Variants in PTBP3 observed in about 807,000 individuals in gnomAD.
The protein encoded by PTBP3 is polypyrimidine tract binding protein 3.
PTBP3 carries 20 observed loss-of-function variants against 58.7 expected under a neutral mutation model. The ratio of observed to expected loss-of-function variants is 0.34; its 90% CI spans 0.24 to 0.50. PTBP3 has a LOEUF of 0.50. Among genes scored for constraint, PTBP3 ranks in the 20% least tolerant of loss-of-function variants. The pLI is 0.98. For synonymous variants in PTBP3, 185 were observed against 219.8 expected, an observed-to-expected ratio of 0.84 and a Z score of 1.40; for missense variants, 509 against 637.2, an observed-to-expected ratio of 0.80 and a Z score of 2.17.
chr9:112,244,995 C>T (rs1835820987), intron 7 of PTBP3, among the ~76,000 whole-genome samples: 1 of 152,040 alleles, frequency 6.6e-6, no homozygotes, highest in Admixed American at 6.6e-5. Context: ...GTAGCAATGC[C>T]CAGAAAAACA....
At chr9:112,335,114 C>G (rs1453350299), upstream of PTBP3, among the ~76,000 whole-genome samples, 1 of 152,084 alleles carries the variant, frequency 6.6e-6, no homozygotes, top group Non-Finnish European at 1.5e-5. Flanking sequence ...TTTAGCTACA[C>G]AAGTAATATC....
chr9:112,276,022 CA>C lies in PTBP3; in HGVS notation c.35-10del. On this transcript the variant is annotated splice_polypyrimidine_tract_variant and intron_variant, in intron 2 of 13. Coordinates refer to ENST00000374257, the MANE Select transcript of PTBP3 (RefSeq NM_001163788.4). Reference sequence around the variant, plus strand: ...GCTGTCATTCCCATTAGCTAAAAAACATAAGATTCTTTTTTAAATTACTGCA... The same window carrying C: ...GCTGTCATTCCCATTAGCTAAAAAACTAAGATTCTTTTTTAAATTACTGCA... 1 of 1,605,820 alleles carries C rather than the reference CA, an allele frequency of 6.2e-7. No individual in the cohort carries two copies. Among genetic ancestry groups the C allele is most frequent in the Non-Finnish European group, 8.5e-7 (1 of 1,173,588 alleles).
intron 3 of PTBP3, among the ~76,000 whole-genome samples, chr9:112,271,039 C>G (rs574936481): frequency 6.6e-6 from 1 of 152,072 alleles, no homozygotes; most frequent in African/African-American, 2.4e-5. Flanking sequence ...GTTGGCCAGG[C>G]TGGTCTTGAA....
intron 1 of PTBP3, among the ~76,000 whole-genome samples, chr9:112,332,271 A>T (rs2132500200): frequency 1.3e-5 from 2 of 152,376 alleles, no homozygotes; most frequent in South Asian, 4.1e-4. Flanking sequence ...TGATGTCTGT[A>T]GCAGTGTGCA....
chr9:112,327,593 T>G (rs1265606614), intron 1 of PTBP3, among the ~76,000 whole-genome samples: 1 of 151,972 alleles, frequency 6.6e-6, no homozygotes, highest in Non-Finnish European at 1.5e-5. Flanking sequence ...AGAACAAATT[T>G]TTCATGAAAG....
chr9:112,314,147 C>T (rs926607379), intron 1 of PTBP3, among the ~76,000 whole-genome samples: 3 of 152,134 alleles, frequency 2.0e-5, no homozygotes, highest in African/African-American at 4.8e-5. Context: ...TCTGCATCCA[C>T]AAATTTTGGG....
chr9:112,327,128 T>G (rs1830189230), intron 1 of PTBP3, among the ~76,000 whole-genome samples: 1 of 151,570 alleles, frequency 6.6e-6, no homozygotes, highest in Non-Finnish European at 1.5e-5. Flanking sequence ...CACTTGGGCC[T>G]TAGAGGTGGA....
At chr9:112,302,582 CTTTTTTT>C (rs369208342) in intron 1 of PTBP3, among the ~76,000 whole-genome samples, 47 of 110,494 alleles carry the variant, frequency 4.3e-4, no homozygotes, top group South Asian at 6.5e-4. Flanking sequence ...TATTCTTCAT[CTTTTTTT>C]TTTTTTTTTT....
the PTBP3 span, among the ~76,000 whole-genome samples, chr9:112,340,884 A>AT: frequency 9.1e-4 from 113 of 124,406 alleles, 1 homozygote; most frequent in African/African-American, 1.7e-3. Flanking sequence ...CTCAAAAAAA[A>AT]AAAATAAATA....
At chr9:112,281,519 A>G (rs1272161224) in intron 2 of PTBP3, among the ~76,000 whole-genome samples, 1 of 152,174 alleles carries the variant, frequency 6.6e-6, no homozygotes, top group African/African-American at 2.4e-5. Context: ...TTCATGAAGG[A>G]TATTAATCTG....
chr9:112,250,366 A>C (rs970055878), intron 7 of PTBP3, among the ~76,000 whole-genome samples: 1 of 152,278 alleles, frequency 6.6e-6, no homozygotes, highest in Admixed American at 6.5e-5. Context: ...TAAATAAAAG[A>C]GGGAGGCTCT....
At position 112,232,138 on chromosome 9, in the gene PTBP3, T is replaced by C. The variant is rs1835268571; in HGVS notation, c.981A>G (p.Pro327=). 1.2e-6 allele frequency: 2 copies of C among 1,613,092 alleles called. No homozygotes were observed. The highest frequency in any genetic ancestry group is 1.1e-5 in the South Asian group (1 of 90,898). Residue 327 remains proline (P), a synonymous_variant, in exon 9 of 14, where the codon CCA becomes CCG. Transcript: ENST00000374257. ...RMAIPGASGI[P]GNSVLLVTNL... ...TTGTGACGAGTAGAACAGAATTTCC[T>C]GGTATACCACTAGCCCCAGGAATGG...
intron 1 of PTBP3, among the ~76,000 whole-genome samples, chr9:112,302,062 C>G (rs1009568592): frequency 2.0e-5 from 3 of 152,060 alleles, no homozygotes; most frequent in African/African-American, 7.2e-5. Context: ...TGCTTCTGTA[C>G]AACAGTGGTC....
At chr9:112,331,656 C>G (rs545596161) in intron 1 of PTBP3, among the ~76,000 whole-genome samples, 1 of 152,288 alleles carries the variant, frequency 6.6e-6, no homozygotes, top group South Asian at 2.1e-4. Flanking sequence ...GGTTCTGATA[C>G]AAAGGGCAAA....
chr9:112,344,748 TGA>T, the PTBP3 span, among the ~76,000 whole-genome samples: 6 of 152,294 alleles, frequency 3.9e-5, no homozygotes, highest in African/African-American at 9.6e-5. Flanking sequence ...AAAAAATTAA[TGA>T]GAGAGTTTAA....
rs747480765 is a variant in PTBP3 at position 112,220,244 on chromosome 9, A to G, written c.*3607T>C. On this transcript the variant is annotated 3_prime_UTR_variant, in exon 14 of 14. Coordinates refer to ENST00000374257, the MANE Select transcript of PTBP3 (RefSeq NM_001163788.4). The stretch of plus-strand genomic sequence containing the variant: ...ATGACAATATGCTAAACATGTAAGC[A>G]CTGCTGACTGATGGCACGGAGACAC... The G allele has an allele frequency of 3.0e-6, 4 of 1,346,106 alleles. No individual in the cohort carries two copies. The highest frequency in any genetic ancestry group is 2.3e-5 in the South Asian group (2 of 86,432). The allele number at this position is 1,346,106 out of a possible 1,614,324, so 83.4% of individuals were successfully genotyped here.
chr9:112,318,956 C>T (rs1480078440), intron 1 of PTBP3, among the ~76,000 whole-genome samples: 6 of 151,456 alleles, frequency 4.0e-5, no homozygotes, highest in Non-Finnish European at 7.4e-5. Context: ...GGAGAAATTC[C>T]GTCTCTACTA....
At chr9:112,280,406 T>C (rs939084116) in intron 2 of PTBP3, among the ~76,000 whole-genome samples, 2 of 152,158 alleles carry the variant, frequency 1.3e-5, no homozygotes, top group African/African-American at 4.8e-5. Flanking sequence ...TAGCCAGGAT[T>C]TTCTGTCTGC....
chr9:112,231,621 T>C (rs904660842), intron 9 of PTBP3, among the ~76,000 whole-genome samples: 5 of 151,974 alleles, frequency 3.3e-5, no homozygotes, highest in African/African-American at 1.2e-4. Flanking sequence ...GAAGCTACCA[T>C]GGCTAGGCAT....
Sources: allele counts gnomAD v4.1 joint callset (sites outside exome capture counted in the v4.1 genomes callset), GRCh38; gene constraint gnomAD v4.1.1; transcripts MANE v1.5; gene names NCBI Gene and HGNC (gene_info 2026-07-23, HGNC 2026-07-21).